Variants in LRRC34 observed in about 807,000 individuals in gnomAD.
The protein encoded by LRRC34 is leucine-rich repeat-containing protein 34.
In LRRC34, 44 loss-of-function variants were observed where a neutral mutation model predicts 48.5. That is an observed-to-expected ratio of 0.91 (90% CI 0.71 to 1.17). LRRC34 has a LOEUF of 1.17. LRRC34 is among the 50% of genes most tolerant of loss of function. LRRC34 has a pLI of 0.00. For synonymous variants in LRRC34, 192 were observed against 197.6 expected, an observed-to-expected ratio of 0.97 and a Z score of 0.24; for missense variants, 502 against 563.0, an observed-to-expected ratio of 0.89 and a Z score of 1.10.
rs1028501306 is a variant in LRRC34, at chr3:169,812,407, T to TA, written c.139+2dup. 6.5e-7 allele frequency: 1 copy of TA among 1,526,782 alleles called. No individual in the cohort carries two copies. The highest frequency in any genetic ancestry group is 8.7e-7 in the Non-Finnish European group (1 of 1,143,814). The allele number at this position is 1,526,782 out of a possible 1,614,324, so 94.6% of individuals were successfully genotyped here. ...CCGCGCAGACGTGCTCCCTACTTCT[T>TA]ACCGCGCTGGACCGCCAGGGCCGCG... On this transcript the variant is annotated splice_region_variant and intron_variant, in intron 1 of 10. Coordinates refer to ENST00000446859, the MANE Select transcript of LRRC34 (RefSeq NM_001172779.2). The surrounding 1 kb of genome is among the most constrained non-coding windows in gnomAD (Gnocchi z 4.3).
Position 169,795,497 on chromosome 3 carries a change from C to T in LRRC34, c.1179G>A (p.Glu393=), listed in dbSNP as rs1778953132. The T allele has an allele frequency of 1.4e-5, 23 of 1,611,606 alleles. No individual in the cohort carries two copies. Among genetic ancestry groups the T allele is most frequent in the Non-Finnish European group, 2.0e-5 (23 of 1,178,432 alleles). ...HIYIWGNKFD[E]ATCIAYSDLI... The stretch of plus-strand genomic sequence containing the variant: ...ACTTAAAACTTACTATACACGTAGC[C>T]TCATCAAATTTGTTTCCCCAAATGT... Residue 393 remains glutamate (E), a synonymous_variant, in exon 10 of 11, where the codon GAG becomes GAA. Transcript: ENST00000446859.
chr3:169,798,487 G>A (rs189906835), intron 7 of LRRC34, among the ~76,000 whole-genome samples: 1 of 152,244 alleles, frequency 6.6e-6, no homozygotes, highest in Non-Finnish European at 1.5e-5. Context: ...GTTTGTATTT[G>A]GGAACAGCAA....
chr3:169,809,607 T>C (rs111741421), intron 1 of LRRC34, among the ~76,000 whole-genome samples: 2,182 of 152,326 alleles, frequency 0.014, 20 homozygotes, highest in Middle Eastern at 0.027. Context: ...TCTTCTGGGG[T>C]GGAAGTTATG....
At chr3:169,799,605 C>T (rs1162630850) in intron 7 of LRRC34, among the ~76,000 whole-genome samples, 4 of 152,058 alleles carry the variant, frequency 2.6e-5, no homozygotes, top group Admixed American at 6.6e-5. Flanking sequence ...TGCCGTGAGC[C>T]GATATCATGC....
chr3:169,807,111 A>T (rs116256715), intron 4 of LRRC34, among the ~76,000 whole-genome samples, 180 bp from the exon 5 acceptor site: 3,539 of 152,314 alleles, frequency 0.023, 91 homozygotes, highest in African/African-American at 0.062. Context: ...TTAAGGAAAA[A>T]AATCATTCTC....
rs1176605721 is a variant in LRRC34 at position 169,800,605 on chromosome 3, T to C, written c.753+54A>G. ...GTACCTTGACATAAACTTGTAGTAG[T>C]ACCTTAGTTTTATTCATGTTGTTAT... On this transcript the variant is annotated intron_variant, in intron 7 of 10. Coordinates refer to ENST00000446859, the MANE Select transcript of LRRC34 (RefSeq NM_001172779.2). 16 of 1,088,006 alleles carry C rather than the reference T, an allele frequency of 1.5e-5. No individual in the cohort carries two copies. The Admixed American group carries it at 3.3e-4, about 23-fold the overall frequency. The allele number at this position is 1,088,006 out of a possible 1,614,324, so 67.4% of individuals were successfully genotyped here. A position where few individuals can be genotyped will look rare whatever the true frequency, so the allele number is the denominator to read the frequency against.
rs1779499304 is a variant in LRRC34, at chr3:169,809,793, CT to C, written c.140-1049del. ...TCAGAAATGTTGTTTACTGAGTGTC[CT>C]TTGCACTCTGAAGAATAATGAGTTT... On this transcript the variant is annotated intron_variant, in intron 1 of 10. Coordinates refer to ENST00000446859, the MANE Select transcript of LRRC34 (RefSeq NM_001172779.2). Among the ~76,000 whole-genome samples, 5 of 152,200 alleles carry C rather than the reference CT, an allele frequency of 3.3e-5. No homozygotes were observed. The South Asian group carries it at 8.3e-4, about 25-fold the overall frequency.
intron 7 of LRRC34, chr3:169,797,131 C>T (rs1779022355): frequency 3.4e-6 from 1 of 293,016 alleles, no homozygotes; most frequent in Non-Finnish European, 6.2e-6. Flanking sequence ...CAAGTGCCTG[C>T]TACCTAAGTG....
intron 7 of LRRC34, among the ~76,000 whole-genome samples, chr3:169,799,174 A>C (rs925424783): frequency 6.6e-6 from 1 of 152,216 alleles, no homozygotes; most frequent in Non-Finnish European, 1.5e-5. Context: ...AACCACAAAA[A>C]TTCTGGTACC....
chr3:169,796,418 A>C, intron 8 of LRRC34, 49 bp from the exon 9 acceptor site: 1 of 1,562,026 alleles, frequency 6.4e-7, no homozygotes, highest in Non-Finnish European at 8.7e-7. Context: ...TAGTGTTTTT[A>C]TTCATAGTGA....
At chr3:169,805,901 A>C (rs1281571572) in intron 5 of LRRC34, among the ~76,000 whole-genome samples, 1 of 151,698 alleles carries the variant, frequency 6.6e-6, no homozygotes, top group African/African-American at 2.4e-5. Context: ...AAAAAAAAAA[A>C]AAACTCCCAG....
chr3:169,802,632 G>A (rs1055669711), intron 6 of LRRC34, among the ~76,000 whole-genome samples: 12 of 152,050 alleles, frequency 7.9e-5, no homozygotes, highest in Admixed American at 6.6e-4. Context: ...GATAAGTACC[G>A]AATTAATGTT....
Position 169,796,309 on chromosome 3 carries a change from G to T in LRRC34, c.969C>A (p.Thr323=). 1.9e-6 allele frequency: 3 copies of T among 1,611,982 alleles called. No individual in the cohort carries two copies. In the East Asian group the frequency reaches 6.7e-5, roughly 36 times the overall value. The change falls in exon 9 of 11, where the codon ACC becomes ACA. Residue 323 remains threonine, a synonymous_variant. Transcript: ENST00000446859. The part of the protein sequence containing the change: ...YLADVLKSNT[T]LEVIDLSFNR... The stretch of plus-strand genomic sequence containing the variant: ...TAAAGGAAAGATCTATTACTTCCAG[G>T]GTAGTGTTGCTTTTCAGTACATCAG...
intron 5 of LRRC34, among the ~76,000 whole-genome samples, chr3:169,806,029 C>T (rs1325416973): frequency 6.6e-6 from 1 of 152,020 alleles, no homozygotes; most frequent in Non-Finnish European, 1.5e-5. Flanking sequence ...GATTTTAAAA[C>T]CTACTACAAA....
Position 169,808,613 on chromosome 3 carries a change from A to T in LRRC34, c.257+15T>A. The T allele has an allele frequency of 8.0e-7, 1 of 1,246,598 alleles. No individual in the cohort carries two copies. The highest frequency in any genetic ancestry group is 1.2e-6 in the Non-Finnish European group (1 of 863,678). 77.2% of individuals were successfully genotyped at this position (1,246,598 alleles called of 1,614,324 possible). ...GCAAACACTATTAATGTAATCAAGTATTTGTCTTTCTTACCCCTTTTTAAT... is the reference window on the plus strand; with the variant it reads ...GCAAACACTATTAATGTAATCAAGTTTTTGTCTTTCTTACCCCTTTTTAAT... On this transcript the variant is annotated intron_variant, in intron 2 of 10. Transcript: ENST00000446859.
intron 7 of LRRC34, among the ~76,000 whole-genome samples, chr3:169,799,144 C>A (rs1779098868): frequency 1.3e-5 from 2 of 152,108 alleles, no homozygotes; most frequent in Non-Finnish European, 2.9e-5. Flanking sequence ...GATTTACGTA[C>A]ATGAAACAAC....
At chr3:169,799,693 C>CATTG (rs200802732) in intron 7 of LRRC34, among the ~76,000 whole-genome samples, 7,623 of 151,924 alleles carry the variant, frequency 0.05, 317 homozygotes, top group African/African-American at 0.12. Context: ...CAAACACTGA[C>CATTG]ATTGATTGAT....
chr3:169,806,614 C>T (rs1347496626), intron 5 of LRRC34, among the ~76,000 whole-genome samples: 1 of 151,728 alleles, frequency 6.6e-6, no homozygotes, highest in African/African-American at 2.4e-5. Context: ...ACTTAAAAAA[C>T]CACTGAAGAC....
Position 169,795,472 on chromosome 3 carries a change from A to T in LRRC34, c.1191+13T>A. On this transcript the variant is annotated intron_variant, in intron 10 of 10. Transcript: ENST00000446859. ...GAAAAAGCCTTCAGTGAAGGAAAAA[A>T]CTTAAAACTTACTATACACGTAGCC... 3 of 1,591,444 alleles carry T rather than the reference A, an allele frequency of 1.9e-6. No individual in the cohort carries two copies. Among genetic ancestry groups the T allele is most frequent in the Non-Finnish European group, 1.7e-6 (2 of 1,165,012 alleles).
Sources: allele counts gnomAD v4.1 joint callset (sites outside exome capture counted in the v4.1 genomes callset), GRCh38; gene constraint gnomAD v4.1.1; non-coding constraint Gnocchi (gnomAD v3.1); transcripts MANE v1.5; gene names NCBI Gene and HGNC (gene_info 2026-07-23, HGNC 2026-07-21).